Variants in FHIT observed in about 807,000 individuals in gnomAD.
FHIT encodes fragile histidine triad diadenosine triphosphatase.
FHIT carries 19 observed loss-of-function variants against 17.9 expected under a neutral mutation model. The observed-to-expected ratio is 1.06, with a 90% CI of 0.74 to 1.56. FHIT has a LOEUF of 1.56. Ranked by LOEUF, FHIT falls within the 40% of genes most tolerant of loss-of-function variation. The pLI is 0.00. For synonymous variants in FHIT, 81 were observed against 69.7 expected, an observed-to-expected ratio of 1.16 and a Z score of -0.81; for missense variants, 248 against 189.2, an observed-to-expected ratio of 1.31 and a Z score of -1.82.
At chr3:59,839,232 C>T (rs1701444230) in intron 8 of FHIT, among the ~76,000 whole-genome samples, 1 of 151,264 alleles carries the variant, frequency 6.6e-6, no homozygotes, top group Admixed American at 6.6e-5. Context: ...ACAGGAAAAT[C>T]GCTTGAACCC....
intron 5 of FHIT, among the ~76,000 whole-genome samples, chr3:60,187,938 T>C (rs2107459024): frequency 6.6e-6 from 1 of 152,262 alleles, no homozygotes; most frequent in Admixed American, 6.5e-5. Flanking sequence ...TATATTATGG[T>C]TCTAGGATGA....
At position 60,584,197 on chromosome 3, in the gene FHIT, G is replaced by C. The variant is rs562397529; in HGVS notation, c.-17-47218C>G. Among the ~76,000 whole-genome samples, 310 of 152,172 alleles carry C rather than the reference G, an allele frequency of 2.0e-3. 4 individuals are homozygous for C. The highest frequency in any genetic ancestry group is 6.8e-3 in the African/African-American group (283 of 41,556). Reference sequence around the variant, plus strand: ...ATATTTTTCAGCATTTTGTGAGCCAGTTGACATGAGTTGATAACCTGAAAT... The same window carrying C: ...ATATTTTTCAGCATTTTGTGAGCCACTTGACATGAGTTGATAACCTGAAAT... On this transcript the variant is annotated intron_variant, in intron 4 of 9. Coordinates refer to ENST00000492590, the MANE Select transcript of FHIT (RefSeq NM_002012.4).
intron 2 of FHIT, among the ~76,000 whole-genome samples, chr3:61,119,578 T>C (rs2036397295): frequency 1.3e-5 from 2 of 152,150 alleles, no homozygotes; most frequent in Non-Finnish European, 2.9e-5. Flanking sequence ...TGGTAAAACA[T>C]TGCTTCTGGG....
At chr3:59,799,928 G>C (rs1447510802) in intron 8 of FHIT, among the ~76,000 whole-genome samples, 2 of 152,174 alleles carry the variant, frequency 1.3e-5, no homozygotes, top group Non-Finnish European at 2.9e-5. Flanking sequence ...TGTGGGAAGA[G>C]GAGAAAGGGA....
chr3:59,954,827 A>C (rs1253369488), intron 7 of FHIT, among the ~76,000 whole-genome samples: 2 of 152,204 alleles, frequency 1.3e-5, no homozygotes, highest in Non-Finnish European at 2.9e-5. Context: ...TTTGAAAACG[A>C]AGAAACCAAA....
chr3:60,493,791 T>C (rs527715888), intron 5 of FHIT, among the ~76,000 whole-genome samples: 1 of 152,272 alleles, frequency 6.6e-6, no homozygotes, highest in South Asian at 2.1e-4. Context: ...TAGAATTGGA[T>C]TTCAAAAATA....
intron 2 of FHIT, among the ~76,000 whole-genome samples, chr3:61,068,179 A>G (rs1245290343): frequency 6.6e-6 from 1 of 152,228 alleles, no homozygotes; most frequent in Non-Finnish European, 1.5e-5. Flanking sequence ...TTATCTTACT[A>G]TTCTGTGGGT....
chr3:60,889,151 C>G (rs111368501), intron 3 of FHIT, among the ~76,000 whole-genome samples: 1 of 152,150 alleles, frequency 6.6e-6, no homozygotes, highest in Non-Finnish European at 1.5e-5. Context: ...TCATTCTCCA[C>G]GCTGCATAAC....
At chr3:61,037,180 G>A (rs370633727) in intron 3 of FHIT, among the ~76,000 whole-genome samples, 1 of 152,082 alleles carries the variant, frequency 6.6e-6, no homozygotes, top group Admixed American at 6.5e-5. Context: ...CAAAGTGCTC[G>A]GATTACAGGC....
At chr3:60,685,523 T>G (rs1553698183) in intron 4 of FHIT, among the ~76,000 whole-genome samples, 1 of 152,156 alleles carries the variant, frequency 6.6e-6, no homozygotes, top group African/African-American at 2.4e-5. Context: ...AGAGATTGCT[T>G]GATCTGGAGC....
chr3:60,022,302 T>TA (rs1700581138), intron 5 of FHIT, among the ~76,000 whole-genome samples: 1 of 152,226 alleles, frequency 6.6e-6, no homozygotes, highest in Non-Finnish European at 1.5e-5. Context: ...TCAAATGGGA[T>TA]ATGGCAGTCA....
At chr3:59,817,716 A>T (rs1257124556) in intron 8 of FHIT, among the ~76,000 whole-genome samples, 1 of 152,214 alleles carries the variant, frequency 6.6e-6, no homozygotes, top group Non-Finnish European at 1.5e-5. Context: ...CTTCCAAAGC[A>T]ACTAGTCAAG....
intron 1 of FHIT, among the ~76,000 whole-genome samples, chr3:61,209,200 G>A (rs555928409): frequency 4.7e-4 from 72 of 152,270 alleles, no homozygotes; most frequent in African/African-American, 1.5e-3. Context: ...TTAGTCTGAT[G>A]GGCTTCCCTT....
intron 4 of FHIT, among the ~76,000 whole-genome samples, chr3:60,787,923 G>C (rs1700640385): frequency 6.6e-6 from 1 of 152,158 alleles, no homozygotes; most frequent in African/African-American, 2.4e-5. Context: ...AAAGAACAGT[G>C]CTGAAGTGCT....
At chr3:60,072,572 T>C (rs1260003896) in intron 5 of FHIT, among the ~76,000 whole-genome samples, 3 of 152,188 alleles carry the variant, frequency 2.0e-5, no homozygotes, top group African/African-American at 7.2e-5. Flanking sequence ...TCCAATTAAG[T>C]CTTCAAGGTA....
intron 5 of FHIT, among the ~76,000 whole-genome samples, chr3:60,512,179 C>G (rs889126219): frequency 8.5e-5 from 13 of 152,160 alleles, no homozygotes; most frequent in African/African-American, 2.9e-4. Context: ...TCTATTAATT[C>G]AAGTCACAGC....
At chr3:60,495,869 C>T (rs1015157997) in intron 5 of FHIT, among the ~76,000 whole-genome samples, 1 of 152,084 alleles carries the variant, frequency 6.6e-6, no homozygotes, top group African/African-American at 2.4e-5. Flanking sequence ...AAGAGACCAA[C>T]TGAACTCAGT....
At chr3:60,385,537 C>G (rs1049914762) in intron 5 of FHIT, among the ~76,000 whole-genome samples, 1 of 152,098 alleles carries the variant, frequency 6.6e-6, no homozygotes, top group African/African-American at 2.4e-5. Flanking sequence ...AGTTAGTTAT[C>G]CTTAGAGTAT....
chr3:60,136,743 T>C (rs770914941), intron 5 of FHIT, among the ~76,000 whole-genome samples: 5 of 152,134 alleles, frequency 3.3e-5, no homozygotes, highest in South Asian at 2.1e-4. Context: ...ACGAAATGAG[T>C]TGGGGGCTAT....
Sources: allele counts gnomAD v4.1 joint callset (sites outside exome capture counted in the v4.1 genomes callset), GRCh38; gene constraint gnomAD v4.1.1; transcripts MANE v1.5; gene names NCBI Gene and HGNC (gene_info 2026-07-23, HGNC 2026-07-21).